The following PSMF1 variants were observed in gnomAD, a reference collection of about 807,000 sequenced individuals.
The protein encoded by PSMF1 is proteasome inhibitor subunit 1.
A neutral mutation model predicts 29.3 loss-of-function variants in PSMF1; 30 were observed. That is an observed-to-expected ratio of 1.02 (90% CI 0.77 to 1.39). The LOEUF (loss-of-function observed/expected upper bound fraction) is 1.39, where lower values mean the gene tolerates loss of function less well. Ranked by LOEUF, PSMF1 falls within the 40% of genes most tolerant of loss-of-function variation. The pLI, the probability that PSMF1 is intolerant of heterozygous loss-of-function variation, is 0.00. For missense variants in PSMF1, 344 were observed against 357.5 expected, an observed-to-expected ratio of 0.96 and a Z score of 0.31; for synonymous variants, 134 against 139.7, an observed-to-expected ratio of 0.96 and a Z score of 0.29.
intron 4 of PSMF1, among the ~76,000 whole-genome samples, chr20:1,155,281 CTG>C (rs1223759787): frequency 6.6e-6 from 1 of 151,970 alleles, no homozygotes; most frequent in East Asian, 1.9e-4. Flanking sequence ...GAAAAATCTC[CTG>C]TGTTTCTTTT....
intron 1 of PSMF1, among the ~76,000 whole-genome samples, chr20:1,124,554 A>C: frequency 1.2e-4 from 1 of 8,620 alleles, no homozygotes; most frequent in East Asian, 0.12. Flanking sequence ...CTGTATAGAA[A>C]TTTATCCACG....
chr20:1,116,154 G>A (rs2086010414), upstream of PSMF1, among the ~76,000 whole-genome samples: 1 of 152,004 alleles, frequency 6.6e-6, no homozygotes. Flanking sequence ...ACCTTAAGTG[G>A]ACACCCTGCA....
Position 1,125,534 on chromosome 20 carries a change from G to C in PSMF1, c.166G>C (p.Ala56Pro). 3.1e-6 allele frequency: 5 copies of C among 1,613,302 alleles called. No homozygotes were observed. Among genetic ancestry groups the C allele is most frequent in the Middle Eastern group, 3.3e-4 (2 of 6,052 alleles). Residue 56 changes from alanine (A) to proline (P), a missense_variant, in exon 2 of 7, where the codon GCT (alanine) becomes CCT (proline). Ala to Pro is a conservative substitution (Grantham distance 27). Transcript: ENST00000335877. ...TGATAAGAAGTCAGAACTGCTGCCA[G>C]CTGGGTGGAACAACAATAAAGACCT... ...PNDKKSELLP[A>P]GWNNNKDLYV...
chr20:1,152,364 G>A (rs544467966), intron 4 of PSMF1, among the ~76,000 whole-genome samples: 1 of 152,282 alleles, frequency 6.6e-6, no homozygotes, highest in East Asian at 1.9e-4. Context: ...CACATGTATT[G>A]GCAGTTGTTT....
At chr20:1,113,320 G>C (rs1042075652) in exon 1 of PSMF1, 4 of 152,158 alleles carry the variant, frequency 2.6e-5, no homozygotes, top group African/African-American at 9.7e-5. Context: ...CTTGGTAGTG[G>C]GGGCCCAGAC....
intron 3 of PSMF1, among the ~76,000 whole-genome samples, chr20:1,129,677 A>C (rs1296007442): frequency 6.6e-6 from 1 of 152,246 alleles, no homozygotes; most frequent in Non-Finnish European, 1.5e-5. Context: ...CAGAATAACC[A>C]GAAAATAAAC....
chr20:1,157,303 T>C (rs2086606063), intron 4 of PSMF1, among the ~76,000 whole-genome samples: 1 of 152,160 alleles, frequency 6.6e-6, no homozygotes, highest in African/African-American at 2.4e-5. Flanking sequence ...TATCCTTCAA[T>C]CCAATCAAGT....
chr20:1,158,942 G>C (rs903835096), intron 4 of PSMF1, among the ~76,000 whole-genome samples: 56 of 152,012 alleles, frequency 3.7e-4, no homozygotes, highest in African/African-American at 1.2e-3. Flanking sequence ...TGTAATCCTA[G>C]CTACTTAGGA....
chr20:1,147,669 C>T (rs934488175), intron 4 of PSMF1, among the ~76,000 whole-genome samples: 4 of 152,170 alleles, frequency 2.6e-5, no homozygotes, highest in Non-Finnish European at 5.9e-5. Flanking sequence ...TCAGATCTCC[C>T]CTCTGTAATC....
rs183697102 is a variant in PSMF1 at position 1,136,381 on chromosome 20, G to T, written c.551+1075G>T. Reference sequence around the variant, plus strand: ...AGATGTGATCTAACCACCTTTCCATGGTGGAAAGATTTAAGAATAAGCCCT... The same window carrying T: ...AGATGTGATCTAACCACCTTTCCATTGTGGAAAGATTTAAGAATAAGCCCT... On this transcript the variant is annotated intron_variant, in intron 4 of 6. Transcript: ENST00000335877. Among the ~76,000 whole-genome samples the T allele has an allele frequency of 3.3e-5, 5 of 152,262 alleles. No homozygotes were observed. In the East Asian group the frequency reaches 9.7e-4, roughly 29 times the overall value.
At chr20:1,117,857 G>A (rs1220965962), upstream of PSMF1, 2 of 152,186 alleles carry the variant, frequency 1.3e-5, no homozygotes, top group African/African-American at 2.4e-5. Context: ...TTGAAGTAAC[G>A]GGTGGTAAAA....
rs180929948 is a variant in PSMF1, at chr20:1,125,721, C to T, written c.282+71C>T. 78 of 1,536,470 alleles carry T rather than the reference C, an allele frequency of 5.1e-5. No individual in the cohort carries two copies. The East Asian group carries it at 7.7e-4, about 15-fold the overall frequency. ...AATGGCTGTTTTGAAACCCATTTAACGGTACGAATCCAGAGCTTCAATGTT... is the reference window on the plus strand; with the variant it reads ...AATGGCTGTTTTGAAACCCATTTAATGGTACGAATCCAGAGCTTCAATGTT... On this transcript the variant is annotated intron_variant, in intron 2 of 6. Coordinates refer to ENST00000335877, the MANE Select transcript of PSMF1 (RefSeq NM_006814.5).
intron 4 of PSMF1, among the ~76,000 whole-genome samples, chr20:1,151,394 G>A (rs1345362102): frequency 2.6e-5 from 4 of 152,314 alleles, no homozygotes; most frequent in African/African-American, 9.6e-5. Context: ...TGGGACTCAG[G>A]CACTACACTT....
Position 1,165,069 on chromosome 20 carries a change from A to C in PSMF1, c.805A>C (p.Met269Leu). The part of the protein sequence containing the change: ...DHLPPPGYDD[M>L]YL Reference sequence around the variant, plus strand: ...TCTCCCCCCGCCGGGCTACGATGACATGTACCTGTGAAGGCCTCAAGAATG... The same window carrying C: ...TCTCCCCCCGCCGGGCTACGATGACCTGTACCTGTGAAGGCCTCAAGAATG... The change falls in exon 7 of 7, where the codon ATG becomes CTG. Residue 269 changes from methionine to leucine, a missense_variant. Met to Leu is a conservative substitution (Grantham distance 15). Coordinates refer to ENST00000335877, the MANE Select transcript of PSMF1 (RefSeq NM_006814.5). The C allele has an allele frequency of 6.2e-7, 1 of 1,614,076 alleles. No individual in the cohort carries two copies. The highest frequency in any genetic ancestry group is 8.5e-7 in the Non-Finnish European group (1 of 1,180,022).
intron 1 of PSMF1, 22 bp downstream of exon 1, chr20:1,118,924 G>T (rs748983596): frequency 1.2e-6 from 2 of 1,612,620 alleles, no homozygotes; most frequent in South Asian, 1.1e-5. Flanking sequence ...AGCCGGCCAG[G>T]GTGGAGGAGG....
chr20:1,148,493 T>C (rs2086485108), intron 4 of PSMF1, among the ~76,000 whole-genome samples: 1 of 152,256 alleles, frequency 6.6e-6, no homozygotes, highest in Admixed American at 6.5e-5. Flanking sequence ...TCTTTAGATA[T>C]AAAGCTCTTA....
At chr20:1,126,626 G>A (rs1408952073) in intron 2 of PSMF1, among the ~76,000 whole-genome samples, 1 of 152,140 alleles carries the variant, frequency 6.6e-6, no homozygotes, top group African/African-American at 2.4e-5. Flanking sequence ...TGTAATCCCA[G>A]CACTTTGGGA....
At chr20:1,155,736 G>C (rs2086586990) in intron 4 of PSMF1, among the ~76,000 whole-genome samples, 1 of 152,214 alleles carries the variant, frequency 6.6e-6, no homozygotes. Flanking sequence ...ATGCATGGTG[G>C]AGACCTTAGT....
rs1568485080 is a variant in PSMF1 at position 1,164,898 on chromosome 20, T to G, written c.765-131T>G. 2 of 821,704 alleles carry G rather than the reference T, an allele frequency of 2.4e-6. No homozygotes were observed. The highest frequency in any genetic ancestry group is 4.1e-6 in the Non-Finnish European group (2 of 487,712). The allele number at this position is 821,704 out of a possible 1,614,324, so 50.9% of individuals were successfully genotyped here. ...AAACCCCGGTTGTCTGGCTCTTGAGTGCATGTGTTTAAATTCCTCACACCG... is the reference window on the plus strand; with the variant it reads ...AAACCCCGGTTGTCTGGCTCTTGAGGGCATGTGTTTAAATTCCTCACACCG... On this transcript the variant is annotated intron_variant, in intron 6 of 6. Coordinates refer to ENST00000335877, the MANE Select transcript of PSMF1 (RefSeq NM_006814.5). This position sits in a 1 kb window ranked among gnomAD's most constrained non-coding sequence, Gnocchi z 4.1.
Sources: gnomAD v4.1 joint callset for allele counts (sites outside exome capture counted in the v4.1 genomes callset) on GRCh38, gnomAD v4.1.1 for gene constraint, Gnocchi (gnomAD v3.1) non-coding constraint, MANE v1.5 for transcripts, NCBI Gene and HGNC (gene_info 2026-07-23, HGNC 2026-07-21) for gene names.